The following CTNNAL1 variants were observed in gnomAD, a reference collection of about 807,000 sequenced individuals.
The protein encoded by CTNNAL1 is catenin alpha like 1.
Under a neutral mutation model 93.6 loss-of-function variants are expected in CTNNAL1, and 69 were observed. The ratio of observed to expected loss-of-function variants is 0.74; its 90% CI spans 0.61 to 0.90. The LOEUF is 0.90. Among genes scored for constraint, CTNNAL1 ranks in the 40% least tolerant of loss-of-function variants. The pLI, the probability that CTNNAL1 is intolerant of heterozygous loss-of-function variation, is 0.00. For missense variants in CTNNAL1, 836 were observed against 862.0 expected (o/e 0.97, Z 0.38); for synonymous variants, 286 against 305.4 (o/e 0.94, Z 0.66).
rs1457169306 is a variant in CTNNAL1 at position 108,943,780 on chromosome 9, T to C, written c.1978A>G (p.Ile660Val). The C allele has an allele frequency of 7.4e-6, 12 of 1,613,886 alleles. No homozygotes were observed. The highest frequency in any genetic ancestry group is 1.0e-5 in the Non-Finnish European group (12 of 1,179,896). The change falls in exon 17 of 19, where the codon ATA becomes GTA. Residue 660 changes from isoleucine to valine, a missense_variant. Transcript: ENST00000325551. The part of the protein sequence containing the change: ...DDDKLMLLLE[I>V]NKLIPLCHQL... ...TGGCATAGAGGAATTAGCTTGTTTATTTCCAGGAGAAGCATAAGCTTGTCA... is the reference window on the plus strand; with the variant it reads ...TGGCATAGAGGAATTAGCTTGTTTACTTCCAGGAGAAGCATAAGCTTGTCA...
chr9:109,001,622 C>G (rs1225127964), intron 1 of CTNNAL1, among the ~76,000 whole-genome samples: 1 of 152,216 alleles, frequency 6.6e-6, no homozygotes, highest in Non-Finnish European at 1.5e-5. Flanking sequence ...GGCACTCAAG[C>G]AACCCTATGG....
At chr9:109,009,207 T>C (rs878912815) in intron 1 of CTNNAL1, among the ~76,000 whole-genome samples, 2 of 152,144 alleles carry the variant, frequency 1.3e-5, no homozygotes, top group Admixed American at 1.3e-4. Context: ...AGGTTCTTCA[T>C]TTTAAAGAAG....
intron 10 of CTNNAL1, among the ~76,000 whole-genome samples, chr9:108,968,731 A>G (rs1337709372): frequency 6.6e-6 from 1 of 152,180 alleles, no homozygotes; most frequent in East Asian, 1.9e-4. Flanking sequence ...TCCCTCCAAC[A>G]TCCAACATGA....
intron 5 of CTNNAL1, 115 bp from the exon 6 acceptor site, chr9:108,983,430 G>T: frequency 8.4e-7 from 1 of 1,187,482 alleles, no homozygotes; most frequent in Non-Finnish European, 1.1e-6. Context: ...AATCTCCTGG[G>T]TCCCTGGCTC....
At chr9:109,006,407 A>G (rs1464446549) in intron 1 of CTNNAL1, among the ~76,000 whole-genome samples, 1 of 152,190 alleles carries the variant, frequency 6.6e-6, no homozygotes, top group Non-Finnish European at 1.5e-5. Context: ...GAAGTTAAGT[A>G]TTTGCCCGAG....
rs549020387 is a variant in CTNNAL1 at position 108,995,626 on chromosome 9, GTCAA to G, written c.332-2811_332-2808del. Among the ~76,000 whole-genome samples, 43 of 152,108 alleles carry G rather than the reference GTCAA, an allele frequency of 2.8e-4. No homozygotes were observed. The East Asian group carries it at 8.1e-3, about 29-fold the overall frequency. On this transcript the variant is annotated intron_variant, in intron 2 of 18. Coordinates refer to ENST00000325551, the MANE Select transcript of CTNNAL1 (RefSeq NM_003798.4). ...CTGTGCCTTAATAGGAAAACCCAAG[GTCAA>G]TCAAACACAAATATTTGTTGAACTT...
chr9:108,968,938 G>A (rs1168531850), intron 10 of CTNNAL1, among the ~76,000 whole-genome samples: 4 of 151,696 alleles, frequency 2.6e-5, no homozygotes, highest in African/African-American at 9.7e-5. Flanking sequence ...ATAAACAAAA[G>A]AACAACTGCA....
At chr9:108,975,983 A>T (rs1290600974) in intron 8 of CTNNAL1, among the ~76,000 whole-genome samples, 1 of 152,226 alleles carries the variant, frequency 6.6e-6, no homozygotes, top group Non-Finnish European at 1.5e-5. Flanking sequence ...CAACCAAAGG[A>T]ATATCTTTTA....
intron 8 of CTNNAL1, 30 bp from the exon 9 acceptor site, chr9:108,972,863 G>GCCCCCCCCCCCC: frequency 1.3e-5 from 3 of 231,666 alleles, no homozygotes; most frequent in Non-Finnish European, 1.4e-5. Context: ...TGGGGGGGTG[G>GCCCCCCCCCCCC]GAGGGTGGAG....
chr9:109,004,171 T>C (rs888992228), intron 1 of CTNNAL1, among the ~76,000 whole-genome samples: 1 of 152,152 alleles, frequency 6.6e-6, no homozygotes, highest in Non-Finnish European at 1.5e-5. Context: ...CTAAGGAAAC[T>C]GATGCTCAAA....
At chr9:108,981,879 C>G (rs143307729) in intron 6 of CTNNAL1, among the ~76,000 whole-genome samples, 2,964 of 152,194 alleles carry the variant, frequency 0.019, 96 homozygotes, top group African/African-American at 0.068. Context: ...GAGCCAAGAT[C>G]GTGCCACCAC....
At chr9:108,972,537 T>C (rs962740619) in intron 9 of CTNNAL1, 138 bp downstream of exon 9, 6 of 731,982 alleles carry the variant, frequency 8.2e-6, no homozygotes, top group Non-Finnish European at 1.3e-5. Context: ...AACAGATACA[T>C]GGTATGCTTT....
chr9:108,975,389 G>A (rs1234486365), intron 8 of CTNNAL1, among the ~76,000 whole-genome samples: 5 of 152,058 alleles, frequency 3.3e-5, no homozygotes, highest in African/African-American at 1.2e-4. Flanking sequence ...AGGTATCCAT[G>A]AGAGTGAGAG....
Position 109,013,443 on chromosome 9 carries a change from G to T in CTNNAL1, c.-1C>A. The T allele has an allele frequency of 6.8e-7, 1 of 1,467,528 alleles. No individual in the cohort carries two copies. Among genetic ancestry groups the T allele is most frequent in the Non-Finnish European group, 9.0e-7 (1 of 1,107,266 alleles). The allele number at this position is 1,467,528 out of a possible 1,614,324, so 90.9% of individuals were successfully genotyped here. A position where few individuals can be genotyped will look rare whatever the true frequency, so the allele number is the denominator to read the frequency against. ...CGGCGGGTCCGGGAGAGGCGGCCAT[G>T]GCCCTCGGTCTATCCCGCAGCCGGG... is the stretch of plus-strand genomic sequence containing the variant. On this transcript the variant is annotated 5_prime_UTR_variant, in exon 1 of 19. Coordinates refer to ENST00000325551, the MANE Select transcript of CTNNAL1 (RefSeq NM_003798.4).
In CTNNAL1 at chr9:108,952,436, G is replaced by T. The variant is rs1340070909; in HGVS notation, c.1680+8C>A. The T allele has an allele frequency of 6.2e-7, 1 of 1,614,140 alleles. No individual in the cohort carries two copies. The highest frequency in any genetic ancestry group is 1.1e-5 in the South Asian group (1 of 91,082). ...TAAAGGAAGATTAGATGTAGGAATT[G>T]GTCTTACCTCAGAGTCAGGCTTGTC... On this transcript the variant is annotated splice_region_variant and intron_variant, in intron 13 of 18. Coordinates refer to ENST00000325551, the MANE Select transcript of CTNNAL1 (RefSeq NM_003798.4).
intron 2 of CTNNAL1, among the ~76,000 whole-genome samples, chr9:108,996,797 T>C (rs1397459133): frequency 6.6e-6 from 1 of 152,136 alleles, no homozygotes; most frequent in Non-Finnish European, 1.5e-5. Flanking sequence ...TTCTGTTGAA[T>C]TGTCCATTAT....
At chr9:108,969,790 CTAT>C (rs1335990343) in intron 10 of CTNNAL1, among the ~76,000 whole-genome samples, 1 of 152,090 alleles carries the variant, frequency 6.6e-6, no homozygotes, top group East Asian at 1.9e-4. Flanking sequence ...GTAGCTAGGA[CTAT>C]AGGTAAGCAC....
intron 14 of CTNNAL1, chr9:108,950,789 T>C: frequency 3.1e-6 from 2 of 643,620 alleles, no homozygotes; most frequent in East Asian, 2.9e-5. Flanking sequence ...CTTTGAGATA[T>C]AACTGGTCTT....
At chr9:109,000,703 G>GAA (rs748272087) in intron 1 of CTNNAL1, among the ~76,000 whole-genome samples, 1 of 122,272 alleles carries the variant, frequency 8.2e-6, no homozygotes, top group Non-Finnish European at 1.7e-5. Flanking sequence ...AACAGTGGAG[G>GAA]AAAAAAAAAA....
Sources: gnomAD v4.1 joint callset for allele counts (sites outside exome capture counted in the v4.1 genomes callset) on GRCh38, gnomAD v4.1.1 for gene constraint, MANE v1.5 for transcripts, NCBI Gene and HGNC (gene_info 2026-07-23, HGNC 2026-07-21) for gene names.